RBM28: variants seen among roughly 807,000 people sequenced by gnomAD.
The protein encoded by RBM28 is RNA-binding protein 28.
RBM28 carries 78 observed loss-of-function variants against 98.3 expected under a neutral mutation model. The observed-to-expected ratio is 0.79, with a 90% CI of 0.66 to 0.96. The LOEUF is 0.96. RBM28 is among the 40% of genes least tolerant of loss of function. RBM28 has a pLI of 0.00. For synonymous variants in RBM28, 306 were observed against 330.9 expected (o/e 0.92, Z 0.82); for missense variants, 838 against 913.0 (o/e 0.92, Z 1.06).
At chr7:128,323,414 T>G (rs1346159371) in intron 13 of RBM28, 113 bp downstream of exon 13, 2 of 1,230,702 alleles carry the variant, frequency 1.6e-6, no homozygotes, top group East Asian at 4.6e-5. Flanking sequence ...GGGCAATAAG[T>G]ATGGTCTGTG....
Position 128,303,042 on chromosome 7 carries a change from G to C in RBM28, c.*7755C>G, listed in dbSNP as rs1366645569. 1 of 152,204 alleles carries C rather than the reference G, an allele frequency of 6.6e-6. No homozygotes were observed. Among genetic ancestry groups the C allele is most frequent in the Non-Finnish European group, 1.5e-5 (1 of 68,048 alleles). 9.4% of individuals were successfully genotyped at this position (152,204 alleles called of 1,614,324 possible). A position where few individuals can be genotyped will look rare whatever the true frequency, so the allele number is the denominator to read the frequency against. ...GCCTCCCATAGTGCTGGGGTTACAG[G>C]TATGAGCCACCAAGCCCAGCTGGAA... On this transcript the variant is annotated 3_prime_UTR_variant, in exon 19 of 19. Transcript: ENST00000223073.
At chr7:128,313,362 C>T (rs1382259751) in intron 17 of RBM28, 88 bp from the exon 18 acceptor site, 19 of 1,267,324 alleles carry the variant, frequency 1.5e-5, no homozygotes, top group Non-Finnish European at 2.1e-5. Flanking sequence ...CTTCCCAAGC[C>T]CATGATAAGT....
chr7:128,341,413 T>C (rs1156555213), intron 1 of RBM28, among the ~76,000 whole-genome samples: 4 of 152,208 alleles, frequency 2.6e-5, no homozygotes, highest in Admixed American at 2.6e-4. Flanking sequence ...ATACCACACA[T>C]TTTACATGTC....
At chr7:128,321,491 A>G (rs987316493) in intron 13 of RBM28, 67 bp from the exon 14 acceptor site, 1 of 1,577,124 alleles carries the variant, frequency 6.3e-7, no homozygotes, top group Non-Finnish European at 8.7e-7. Flanking sequence ...ATAATTCTCC[A>G]AAAGGAAAGA....
rs1245023396 is a variant in RBM28 at position 128,337,185 on chromosome 7, C to G, written c.559G>C (p.Asp187His). The G allele has an allele frequency of 3.1e-6, 5 of 1,614,038 alleles. No homozygotes were observed. In the South Asian group the frequency reaches 5.5e-5, roughly 18 times the overall value. The change falls in exon 6 of 19, where the codon GAT becomes CAT. Residue 187 changes from aspartate (D) to histidine (H), a missense_variant. Physicochemically the swap from Asp to His is moderately conservative, Grantham distance 81. Coordinates refer to ENST00000223073, the MANE Select transcript of RBM28 (RefSeq NM_018077.3). ...KEIKGRTVAV[D>H]WAVAKDKYKD... ...TATTTATCCTTTGCCACGGCCCAAT[C>G]CACAGCCACTGTCCGGCCTGTCAAG...
At chr7:128,312,751 GTAGTAGATGATAAAGGGCTTATTAGTTT>G (rs1796013802) in intron 18 of RBM28, among the ~76,000 whole-genome samples, 1 of 152,182 alleles carries the variant, frequency 6.6e-6, no homozygotes, top group Non-Finnish European at 1.5e-5. Flanking sequence ...TATCATTTGT[GTAGTAGATGATAAAGGGCTTATTAGTTT>G]CATTAGATAT....
At chr7:128,324,488 A>G in intron 12 of RBM28, 71 bp downstream of exon 12, 1 of 1,599,886 alleles carries the variant, frequency 6.3e-7, no homozygotes, top group South Asian at 1.1e-5. Context: ...TTCCAGGCAT[A>G]CTATTGCTTG....
At chr7:128,316,438 C>T (rs1464834450) in intron 16 of RBM28, among the ~76,000 whole-genome samples, 3 of 152,226 alleles carry the variant, frequency 2.0e-5, no homozygotes, top group Non-Finnish European at 2.9e-5. Context: ...AGGCTGGGCT[C>T]AGTGACTCAC....
Position 128,338,306 on chromosome 7 carries a change from T to C in RBM28, c.485A>G (p.Lys162Arg). ...KMRGFGFVQF[K>R]NLLEAGKALK... is the part of the protein sequence containing the mutation. ...AGCTTTACCTGCTTCTAGGAGGTTT[T>C]TGAACTGAACAAAACCAAAACCGCG... The change falls in exon 5 of 19, where the codon AAA becomes AGA. Residue 162 changes from lysine (K) to arginine (R), a missense_variant. By Grantham distance (26) the Lys-to-Arg change is conservative (BLOSUM62 2). Transcript: ENST00000223073. The C allele has an allele frequency of 6.2e-7, 1 of 1,614,218 alleles. No homozygotes were observed. Among genetic ancestry groups the C allele is most frequent in the Non-Finnish European group, 8.5e-7 (1 of 1,180,032 alleles).
Position 128,341,070 on chromosome 7 carries a change from T to C in RBM28, c.119-1279A>G, listed in dbSNP as rs1161461317. 1.0e-5 allele frequency: 11 copies of C among 1,085,478 alleles called. No homozygotes were observed. In the East Asian group the frequency reaches 5.9e-4, roughly 58 times the overall value. 67.2% of individuals were successfully genotyped at this position (1,085,478 alleles called of 1,614,324 possible). A position where few individuals can be genotyped will look rare whatever the true frequency, so the allele number is the denominator to read the frequency against. Reference sequence around the variant, plus strand: ...TTTTGTATAGTAAAATTTTAAATAATTTATTGCATCAAAAAGGAAAAGGAC... The same window carrying C: ...TTTTGTATAGTAAAATTTTAAATAACTTATTGCATCAAAAAGGAAAAGGAC... On this transcript the variant is annotated intron_variant, in intron 1 of 18. Transcript: ENST00000223073.
At chr7:128,342,531 A>T (rs948516526) in intron 1 of RBM28, among the ~76,000 whole-genome samples, 1 of 152,036 alleles carries the variant, frequency 6.6e-6, no homozygotes, top group African/African-American at 2.4e-5. Context: ...AAAATACAAA[A>T]ATTAGCCAGG....
intron 18 of RBM28, 53 bp downstream of exon 18, chr7:128,313,113 AAACATGGCT>A (rs1796021463): frequency 6.5e-7 from 1 of 1,527,926 alleles, no homozygotes; most frequent in African/African-American, 1.4e-5. Flanking sequence ...ACCAAGGTAC[AAACATGGCT>A]ACGACCTGGC....
In RBM28 at chr7:128,323,463, A is replaced by G; in HGVS notation, c.1404+64T>C. ...CTTTGATGAGCACATCTAGCATTCG[A>G]TAACTATTTTTGATTGATTTATAGG... On this transcript the variant is annotated intron_variant, in intron 13 of 18. Coordinates refer to ENST00000223073, the MANE Select transcript of RBM28 (RefSeq NM_018077.3). The G allele has an allele frequency of 1.9e-6, 3 of 1,578,616 alleles. No homozygotes were observed. The South Asian group carries it at 3.3e-5, about 17-fold the overall frequency.
chr7:128,305,414 G>A lies in RBM28; in HGVS notation c.*5383C>T, dbSNP rs909466029. 3.3e-5 allele frequency: 5 copies of A among 152,218 alleles called. No individual in the cohort carries two copies. The highest frequency in any genetic ancestry group is 1.2e-4 in the African/African-American group (5 of 41,444). The allele number at this position is 152,218 out of a possible 1,614,324, so 9.4% of individuals were successfully genotyped here. A position where few individuals can be genotyped will look rare whatever the true frequency, so the allele number is the denominator to read the frequency against. On this transcript the variant is annotated 3_prime_UTR_variant, in exon 19 of 19. Coordinates refer to ENST00000223073, the MANE Select transcript of RBM28 (RefSeq NM_018077.3). The stretch of plus-strand genomic sequence containing the variant: ...GCAGACAATTGAGTGTCAGATCCAG[G>A]GGAGAGGAAAAGGCGGCAGAGAACT...
At chr7:128,318,902 TAAGA>T (rs1796163592) in intron 14 of RBM28, among the ~76,000 whole-genome samples, 1 of 152,126 alleles carries the variant, frequency 6.6e-6, no homozygotes, top group African/African-American at 2.4e-5. Flanking sequence ...TGGCTTTAGA[TAAGA>T]AAGACATTTC....
Position 128,317,950 on chromosome 7 carries a change from G to A in RBM28, c.1713+7C>T, listed in dbSNP as rs987007581. The A allele has an allele frequency of 6.2e-7, 1 of 1,614,138 alleles. No homozygotes were observed. Among genetic ancestry groups the A allele is most frequent in the Admixed American group, 1.7e-5 (1 of 60,028 alleles). On this transcript the variant is annotated splice_region_variant and intron_variant, in intron 15 of 18. Transcript: ENST00000223073. The stretch of plus-strand genomic sequence containing the variant: ...GGGAACAAGTCTCCCCAGAGGACAA[G>A]GCCTACCTTCAGAGGCCCAAAGATT...
chr7:128,312,112 C>A (rs540973112), intron 18 of RBM28, among the ~76,000 whole-genome samples: 2 of 152,288 alleles, frequency 1.3e-5, no homozygotes, highest in East Asian at 3.9e-4. Context: ...CTATGAAATA[C>A]TCTCTTCAAG....
At chr7:128,318,651 A>G (rs918431087) in intron 14 of RBM28, among the ~76,000 whole-genome samples, 2 of 152,206 alleles carry the variant, frequency 1.3e-5, no homozygotes, top group African/African-American at 4.8e-5. Context: ...AGACATCAAC[A>G]GAGACCTAAA....
chr7:128,340,749 CG>C (rs1288058057), intron 1 of RBM28, among the ~76,000 whole-genome samples: 1 of 152,162 alleles, frequency 6.6e-6, no homozygotes, highest in African/African-American at 2.4e-5. Context: ...CCTTAGCTGT[CG>C]ATATCAAATT....
Sources: gnomAD v4.1 joint callset for allele counts (sites outside exome capture counted in the v4.1 genomes callset) on GRCh38, gnomAD v4.1.1 for gene constraint, MANE v1.5 for transcripts, NCBI Gene and HGNC (gene_info 2026-07-23, HGNC 2026-07-21) for gene names.